The following TBC1D19 variants were observed in gnomAD, a reference collection of about 807,000 sequenced individuals.
The protein encoded by TBC1D19 is TBC1 domain family, member 19.
A neutral mutation model predicts 89.0 loss-of-function variants in TBC1D19; 60 were observed. The ratio of observed to expected loss-of-function variants is 0.67; its 90% CI spans 0.55 to 0.84. TBC1D19 has a LOEUF of 0.84. Among genes scored for constraint, TBC1D19 ranks in the 40% least tolerant of loss-of-function variants. TBC1D19 has a pLI of 0.00. For missense variants in TBC1D19, 500 were observed against 610.8 expected (o/e 0.82, Z 1.91); for synonymous variants, 189 against 199.7 (o/e 0.95, Z 0.45).
chr4:26,632,849 T>A (rs1052684282), intron 4 of TBC1D19, among the ~76,000 whole-genome samples: 6 of 152,092 alleles, frequency 3.9e-5, no homozygotes, highest in African/African-American at 1.4e-4. Flanking sequence ...TGTCAATTTG[T>A]TTTTTGGCAC....
chr4:26,851,304 C>CCTATCTAT, the TBC1D19 span, among the ~76,000 whole-genome samples: 1,348 of 147,036 alleles, frequency 9.2e-3, 8 homozygotes, highest in East Asian at 0.014. Context: ...TAATAAATAC[C>CCTATCTAT]CTATCTATCT....
At chr4:26,582,866 A>G (rs1340459801), upstream of TBC1D19, among the ~76,000 whole-genome samples, 1 of 152,220 alleles carries the variant, frequency 6.6e-6, no homozygotes, top group Non-Finnish European at 1.5e-5. Flanking sequence ...TGCTGTGCAT[A>G]GAGGCCCGGG....
intron 9 of TBC1D19, 135 bp downstream of exon 9, chr4:26,666,540 T>C (rs1039546657): frequency 1.7e-6 from 1 of 602,488 alleles, no homozygotes; most frequent in Non-Finnish European, 2.8e-6. Context: ...CCTTGGTTAC[T>C]GTTATTTATT....
intron 13 of TBC1D19, among the ~76,000 whole-genome samples, chr4:26,714,264 C>CTT (rs11427835): frequency 1.3e-4 from 19 of 151,390 alleles, no homozygotes; most frequent in African/African-American, 4.6e-4. Flanking sequence ...TTTGTTTTTT[C>CTT]TTTTTTTTTA....
chr4:26,765,692 T>C, the TBC1D19 span, among the ~76,000 whole-genome samples: 1 of 152,120 alleles, frequency 6.6e-6, no homozygotes, highest in African/African-American at 2.4e-5. Flanking sequence ...TCAGGAAGCC[T>C]GATATGGTCT....
At chr4:26,830,452 C>G in the TBC1D19 span, among the ~76,000 whole-genome samples, 1 of 152,082 alleles carries the variant, frequency 6.6e-6, no homozygotes, top group African/African-American at 2.4e-5. Flanking sequence ...TGAAAGGGAT[C>G]AAGACCTTGT....
upstream of TBC1D19, among the ~76,000 whole-genome samples, chr4:26,579,504 A>T (rs528427562): frequency 2.5e-3 from 379 of 149,450 alleles, no homozygotes; most frequent in African/African-American, 4.9e-3. Flanking sequence ...TTTTTTTTTT[A>T]AATTTTACTT....
Position 26,594,619 on chromosome 4 carries a change from C to T in TBC1D19, c.99+10327C>T, listed in dbSNP as rs538296265. Among the ~76,000 whole-genome samples, 245 of 152,210 alleles carry T rather than the reference C, an allele frequency of 1.6e-3. 2 individuals are homozygous for T. Among genetic ancestry groups the T allele is most frequent in the Admixed American group, 4.4e-3 (68 of 15,286 alleles). On this transcript the variant is annotated intron_variant, in intron 1 of 20. Transcript: ENST00000264866. ...GTAAGAAATGATGTAATGCATGTCT[C>T]AATTAATTGAATAACTGTCTTTATT...
chr4:26,754,947 ATCT>A lies in TBC1D19; in HGVS notation c.*6_*8del, dbSNP rs766130598. ...TTTTTCTGTTTGCTACTGTCACCTG[ATCT>A]TCTTCACAGTCACTGGCAACACATC... On this transcript the variant is annotated 3_prime_UTR_variant, in exon 21 of 21. Transcript: ENST00000264866. 5 of 1,604,170 alleles carry A rather than the reference ATCT, an allele frequency of 3.1e-6. No individual in the cohort carries two copies. Among genetic ancestry groups the A allele is most frequent in the Middle Eastern group, 3.3e-4 (2 of 6,036 alleles).
intron 13 of TBC1D19, among the ~76,000 whole-genome samples, chr4:26,698,027 G>T (rs1714965211): frequency 6.6e-6 from 1 of 152,172 alleles, no homozygotes; most frequent in Non-Finnish European, 1.5e-5. Flanking sequence ...TCAGGCAGGA[G>T]AAGGAAATAA....
chr4:26,730,950 A>G (rs1465222244), intron 15 of TBC1D19, among the ~76,000 whole-genome samples: 1 of 152,186 alleles, frequency 6.6e-6, no homozygotes, highest in Admixed American at 6.5e-5. Flanking sequence ...GTGGTCTGGA[A>G]GGAGAAACAT....
intron 1 of TBC1D19, among the ~76,000 whole-genome samples, chr4:26,592,579 C>T (rs1739892222): frequency 6.6e-6 from 1 of 152,036 alleles, no homozygotes. Flanking sequence ...GATTGTATAT[C>T]TAGAAAACCC....
intron 1 of TBC1D19, among the ~76,000 whole-genome samples, chr4:26,606,258 C>T: frequency 6.6e-6 from 1 of 152,158 alleles, no homozygotes; most frequent in Admixed American, 6.5e-5. Context: ...GAAACTACAA[C>T]AGTGGAGAAC....
chr4:26,849,397 T>G, the TBC1D19 span, among the ~76,000 whole-genome samples: 1 of 152,256 alleles, frequency 6.6e-6, no homozygotes, highest in African/African-American at 2.4e-5. Flanking sequence ...ATATCTTTCC[T>G]TCTTCTTTTT....
At chr4:26,796,457 A>T in the TBC1D19 span, among the ~76,000 whole-genome samples, 3 of 151,968 alleles carry the variant, frequency 2.0e-5, no homozygotes, top group Non-Finnish European at 4.4e-5. Flanking sequence ...AATAATGTGT[A>T]TTTTTTTTCC....
chr4:26,829,388 C>A, the TBC1D19 span, among the ~76,000 whole-genome samples: 17 of 152,270 alleles, frequency 1.1e-4, no homozygotes, highest in African/African-American at 3.9e-4. Flanking sequence ...ATCGTAAGCC[C>A]TCTATAGCTG....
At chr4:26,622,524 G>A (rs541196219) in intron 4 of TBC1D19, among the ~76,000 whole-genome samples, 3 of 152,030 alleles carry the variant, frequency 2.0e-5, no homozygotes, top group Non-Finnish European at 4.4e-5. Flanking sequence ...TTTCTTTCTG[G>A]ACTTTCCCAT....
At chr4:26,837,769 G>T in the TBC1D19 span, among the ~76,000 whole-genome samples, 1 of 152,136 alleles carries the variant, frequency 6.6e-6, no homozygotes, top group Admixed American at 6.6e-5. Flanking sequence ...AAGGATGCAT[G>T]TGGGGTGCGG....
At chr4:26,850,645 G>C in the TBC1D19 span, among the ~76,000 whole-genome samples, 9 of 151,456 alleles carry the variant, frequency 5.9e-5, no homozygotes, top group Non-Finnish European at 8.8e-5. Context: ...TCATCTACAA[G>C]CCCAGGAGAG....
Sources: allele counts gnomAD v4.1 joint callset (sites outside exome capture counted in the v4.1 genomes callset), GRCh38; gene constraint gnomAD v4.1.1; transcripts MANE v1.5; gene names NCBI Gene and HGNC (gene_info 2026-07-23, HGNC 2026-07-21).